FAM13B: variants seen among roughly 807,000 people sequenced by gnomAD.
FAM13B encodes family with sequence similarity 13 member B.
In FAM13B, 60 loss-of-function variants were observed where a neutral mutation model predicts 117.3. The observed-to-expected ratio is 0.51, with a 90% CI of 0.42 to 0.63. The LOEUF (loss-of-function observed/expected upper bound fraction) is 0.63. Ranked by LOEUF, FAM13B falls within the 30% of genes least tolerant of loss-of-function variation. FAM13B has a pLI of 0.00. For synonymous variants in FAM13B, 332 were observed against 356.1 expected, an observed-to-expected ratio of 0.93 and a Z score of 0.76; for missense variants, 972 against 1,091.9, an observed-to-expected ratio of 0.89 and a Z score of 1.55.
chr5:137,952,756 G>C (rs1446524996), intron 16 of FAM13B, 47 bp from the exon 17 acceptor site: 1 of 1,120,176 alleles, frequency 8.9e-7, no homozygotes, highest in Non-Finnish European at 1.3e-6. Flanking sequence ...ATAAGCAATA[G>C]TTACATTAAT....
At position 137,946,229 on chromosome 5, in the gene FAM13B, G is replaced by A. The variant is rs754302218; in HGVS notation, c.2243C>T (p.Pro748Leu). 1.3e-5 allele frequency: 21 copies of A among 1,578,570 alleles called. No homozygotes were observed. Among genetic ancestry groups the A allele is most frequent in the Middle Eastern group, 1.7e-4 (1 of 6,014 alleles). ...TCTTTTTAGCAAGAGAGATATTACC[G>A]GCCTTCCATGTTGACTTTCATAGTA... ...LLYYESQHGR[P>L]VTKEERHIVK... The change falls in exon 19 of 24, where the codon CCG becomes CTG. Residue 748 changes from proline (P) to leucine (L), a missense_variant and splice_region_variant. Coordinates refer to ENST00000689681, the MANE Select transcript of FAM13B (RefSeq NM_001385994.1).
At chr5:138,027,764 C>G (rs1242862113) in intron 1 of FAM13B, among the ~76,000 whole-genome samples, 1 of 152,210 alleles carries the variant, frequency 6.6e-6, no homozygotes, top group African/African-American at 2.4e-5. Context: ...GTAATCCTCA[C>G]GTGTGGAGAG....
intron 18 of FAM13B, among the ~76,000 whole-genome samples, chr5:137,948,422 T>C (rs752873940): frequency 6.6e-5 from 10 of 151,424 alleles, no homozygotes; most frequent in African/African-American, 1.5e-4. Flanking sequence ...TATTTATTTA[T>C]TTACTTATTT....
intron 1 of FAM13B, among the ~76,000 whole-genome samples, chr5:138,040,755 A>G (rs1791476139): frequency 6.6e-6 from 1 of 151,922 alleles, no homozygotes; most frequent in East Asian, 1.9e-4. Flanking sequence ...AGGGGATCTT[A>G]AAATTAGGCA....
At chr5:137,976,603 G>A (rs996776944) in intron 10 of FAM13B, among the ~76,000 whole-genome samples, 13 of 152,162 alleles carry the variant, frequency 8.5e-5, no homozygotes, top group African/African-American at 1.9e-4. Context: ...GCAGAAGAAC[G>A]TGGATTGTGA....
rs748913156 is a variant in FAM13B at position 137,948,978 on chromosome 5, T to A, written c.2137A>T (p.Arg713Trp). The A allele has an allele frequency of 1.2e-6, 2 of 1,613,638 alleles. No homozygotes were observed. The highest frequency in any genetic ancestry group is 1.7e-6 in the Non-Finnish European group (2 of 1,179,884). ...ACCTTGATATCTTCTGGAAGACACCTCTCAATACGTTTTTCTTTCAGTCTT... is the reference window on the plus strand; with the variant it reads ...ACCTTGATATCTTCTGGAAGACACCACTCAATACGTTTTTCTTTCAGTCTT... ...LKRLKEKRIE[R>W]CLPEDIKKMT... Residue 713 changes from arginine (R) to tryptophan (W), a missense_variant, in exon 18 of 24, where the codon AGG (arginine) becomes TGG (tryptophan). Physicochemically the swap from Arg to Trp is moderately radical, Grantham distance 101. Coordinates refer to ENST00000689681, the MANE Select transcript of FAM13B (RefSeq NM_001385994.1).
chr5:138,050,490 C>G (rs908889451), intron 1 of FAM13B, among the ~76,000 whole-genome samples: 6 of 152,058 alleles, frequency 3.9e-5, no homozygotes, highest in African/African-American at 1.2e-4. Flanking sequence ...GACATGCCAA[C>G]CTGAAAGGAA....
Position 138,007,298 on chromosome 5 carries a change from T to C in FAM13B, c.691-151A>G, listed in dbSNP as rs559427630. 45 of 582,284 alleles carry C rather than the reference T, an allele frequency of 7.7e-5. No homozygotes were observed. In the Middle Eastern group the frequency reaches 1.9e-3, roughly 24 times the overall value. The allele number at this position is 582,284 out of a possible 1,614,324, so 36.1% of individuals were successfully genotyped here. On this transcript the variant is annotated intron_variant, in intron 6 of 23. Coordinates refer to ENST00000689681, the MANE Select transcript of FAM13B (RefSeq NM_001385994.1). ...ATCTCTCTTATGGAGTAAGTAACTG[T>C]CAACTTTTTCATATCAAAATAAAAT...
intron 17 of FAM13B, among the ~76,000 whole-genome samples, chr5:137,950,300 G>A (rs888618421): frequency 1.4e-4 from 21 of 152,292 alleles, no homozygotes; most frequent in African/African-American, 3.8e-4. Context: ...GGTAGAATAC[G>A]GAATAAGGAG....
At chr5:137,998,332 AG>A (rs1413807126) in intron 7 of FAM13B, among the ~76,000 whole-genome samples, 1 of 152,220 alleles carries the variant, frequency 6.6e-6, no homozygotes, top group Admixed American at 6.5e-5. Context: ...CTTTTTAAAA[AG>A]GGGCCAGTCC....
chr5:137,963,392 C>T (rs1235668707), intron 10 of FAM13B, among the ~76,000 whole-genome samples: 1 of 152,176 alleles, frequency 6.6e-6, no homozygotes, highest in South Asian at 2.1e-4. Context: ...TTTATGAAAA[C>T]AGTTATCTAT....
intron 2 of FAM13B, among the ~76,000 whole-genome samples, chr5:138,020,303 GC>G (rs1269366296): frequency 6.6e-6 from 1 of 152,106 alleles, no homozygotes; most frequent in Non-Finnish European, 1.5e-5. Context: ...CATGTGATCA[GC>G]CAGCCTCAGC....
At chr5:137,949,627 A>G (rs1764374669) in intron 17 of FAM13B, among the ~76,000 whole-genome samples, 2 of 152,058 alleles carry the variant, frequency 1.3e-5, no homozygotes, top group Admixed American at 1.3e-4. Context: ...TAAAAATACA[A>G]AAGTTAGCCA....
At chr5:138,003,829 A>G (rs1465537972) in intron 7 of FAM13B, among the ~76,000 whole-genome samples, 1 of 152,248 alleles carries the variant, frequency 6.6e-6, no homozygotes, top group Non-Finnish European at 1.5e-5. Flanking sequence ...AGATTATTAC[A>G]TGCCTCTGTG....
Position 138,018,505 on chromosome 5 carries a change from TC to T in FAM13B, c.166del (p.Glu56SerfsTer63), listed in dbSNP as rs1785803335. ...VDYIEEHGGL[E>X]QQGLFQVNGN... ...ATTGACTTGAAAAAGTCCTTGTTGC[TC>T]CAGACCTCCTACGTTAGTTCAAGGC... On this transcript the variant is annotated frameshift_variant, in exon 4 of 24. Coordinates refer to ENST00000689681, the MANE Select transcript of FAM13B (RefSeq NM_001385994.1). LOFTEE classifies it high-confidence loss of function. 2.5e-6 allele frequency: 4 copies of T among 1,613,874 alleles called. No homozygotes were observed. The highest frequency in any genetic ancestry group is 3.4e-6 in the Non-Finnish European group (4 of 1,179,968).
chr5:138,007,634 A>G (rs1782882331), intron 6 of FAM13B, among the ~76,000 whole-genome samples: 1 of 152,182 alleles, frequency 6.6e-6, no homozygotes, highest in Non-Finnish European at 1.5e-5. Context: ...CTAACTTCTA[A>G]GTGATTCAGA....
chr5:138,004,677 C>T (rs1307988174), intron 7 of FAM13B, among the ~76,000 whole-genome samples: 3 of 152,002 alleles, frequency 2.0e-5, no homozygotes, highest in Non-Finnish European at 2.9e-5. Context: ...CCCAGGAGCT[C>T]AAGGCCACCT....
At chr5:137,954,619 A>ATT in intron 14 of FAM13B, 3 of 170,604 alleles carry the variant, frequency 1.8e-5, no homozygotes, top group South Asian at 2.0e-4. Flanking sequence ...CCAGAGTTCA[A>ATT]TTTTTTTTTT....
At chr5:137,956,352 G>T in intron 14 of FAM13B, 125 bp downstream of exon 14, 1 of 481,424 alleles carries the variant, frequency 2.1e-6, no homozygotes. Flanking sequence ...ATTTTTTCTG[G>T]GTTCACTTTG....
Sources: gnomAD v4.1 joint callset for allele counts (sites outside exome capture counted in the v4.1 genomes callset) on GRCh38, gnomAD v4.1.1 for gene constraint, MANE v1.5 for transcripts, NCBI Gene and HGNC (gene_info 2026-07-23, HGNC 2026-07-21) for gene names.